YAP1: variants seen among roughly 807,000 people sequenced by gnomAD.
YAP1 encodes the protein Yes1 associated transcriptional regulator.
In YAP1, 5 loss-of-function variants were observed where a neutral mutation model predicts 56.9. That is an observed-to-expected ratio of 0.09 (90% CI 0.05 to 0.18). The LOEUF is 0.18. Ranked by LOEUF, YAP1 falls within the 10% of genes least tolerant of loss-of-function variation. The pLI, the probability that YAP1 is intolerant of heterozygous loss-of-function variation, is 1.00. For missense variants in YAP1, 539 were observed against 651.8 expected (o/e 0.83, Z 1.88); for synonymous variants, 265 against 248.1 (o/e 1.07, Z -0.64).
chr11:102,182,359 T>A (rs1381243380), intron 3 of YAP1, among the ~76,000 whole-genome samples: 1 of 152,230 alleles, frequency 6.6e-6, no homozygotes, highest in Non-Finnish European at 1.5e-5. Flanking sequence ...TTTATTTTTG[T>A]GGTAATCCTA....
intron 2 of YAP1, among the ~76,000 whole-genome samples, chr11:102,146,922 T>C (rs1004669319): frequency 1.3e-5 from 2 of 152,208 alleles, no homozygotes; most frequent in Non-Finnish European, 2.9e-5. Flanking sequence ...TTCAGGGGAA[T>C]TTCAAGGGCA....
intron 2 of YAP1, among the ~76,000 whole-genome samples, chr11:102,130,720 C>CTTTTTTTTTT (rs61175592): frequency 8.2e-5 from 8 of 98,144 alleles, no homozygotes; most frequent in Non-Finnish European, 1.4e-4. Context: ...GATAACTACT[C>CTTTTTTTTTT]TTTTTTTTTT....
chr11:102,194,575 A>C (rs1443615423), intron 4 of YAP1, among the ~76,000 whole-genome samples: 2 of 152,240 alleles, frequency 1.3e-5, no homozygotes, highest in Admixed American at 1.3e-4. Context: ...GCTACTAAAC[A>C]AGTAAATAAA....
chr11:102,177,616 G>T (rs1036679159), intron 3 of YAP1, among the ~76,000 whole-genome samples: 1 of 149,814 alleles, frequency 6.7e-6, no homozygotes, highest in Non-Finnish European at 1.5e-5. Flanking sequence ...GGTGGAGGTT[G>T]CAGTGAACCA....
At chr11:102,138,486 A>G (rs1348178230) in intron 2 of YAP1, among the ~76,000 whole-genome samples, 1 of 152,176 alleles carries the variant, frequency 6.6e-6, no homozygotes, top group Non-Finnish European at 1.5e-5. Flanking sequence ...GGAACATTCC[A>G]AAAGGGGGAA....
chr11:102,144,347 T>C (rs1945196733), intron 2 of YAP1, among the ~76,000 whole-genome samples: 1 of 152,222 alleles, frequency 6.6e-6, no homozygotes, highest in Non-Finnish European at 1.5e-5. Flanking sequence ...TTCAATTGTA[T>C]TATTTAAATT....
At chr11:102,225,038 A>T (rs574217849) in intron 7 of YAP1, among the ~76,000 whole-genome samples, 104 of 152,350 alleles carry the variant, frequency 6.8e-4, no homozygotes, top group Non-Finnish European at 2.5e-4. Flanking sequence ...GAGCTGGGCT[A>T]CAATTTGAGA....
chr11:102,197,229 T>C (rs1948619017), intron 4 of YAP1, among the ~76,000 whole-genome samples: 1 of 152,242 alleles, frequency 6.6e-6, no homozygotes, highest in African/African-American at 2.4e-5. Context: ...TATGCTAATA[T>C]GGAAATATTC....
chr11:102,132,279 CAG>C (rs1396619995), intron 2 of YAP1, among the ~76,000 whole-genome samples: 1 of 152,196 alleles, frequency 6.6e-6, no homozygotes, highest in African/African-American at 2.4e-5. Flanking sequence ...GAGTCAAAGA[CAG>C]AGCTGCCAAA....
At chr11:102,190,532 A>G (rs1948218777) in intron 4 of YAP1, among the ~76,000 whole-genome samples, 2 of 152,118 alleles carry the variant, frequency 1.3e-5, no homozygotes, top group Non-Finnish European at 2.9e-5. Context: ...AGGCTGAGGC[A>G]TGAGAATCAC....
chr11:102,132,149 G>A (rs926618180), intron 2 of YAP1, among the ~76,000 whole-genome samples: 22 of 152,066 alleles, frequency 1.4e-4, no homozygotes, highest in Admixed American at 1.3e-3. Flanking sequence ...TGATACCGGT[G>A]AGCAGACAAC....
intron 2 of YAP1, among the ~76,000 whole-genome samples, chr11:102,128,985 C>G (rs566964234): frequency 3.9e-5 from 6 of 152,268 alleles, no homozygotes; most frequent in Non-Finnish European, 7.4e-5. Context: ...TCCCCAAACC[C>G]TGTGTCCCCT....
rs1949090606 is a variant in YAP1, at chr11:102,205,804, A to G, written c.803-89A>G. The G allele has an allele frequency of 4.6e-6, 6 of 1,318,274 alleles. No homozygotes were observed. In the Admixed American group the frequency reaches 1.6e-4, roughly 35 times the overall value. The allele number at this position is 1,318,274 out of a possible 1,614,324, so 81.7% of individuals were successfully genotyped here. On this transcript the variant is annotated intron_variant, in intron 4 of 8. Transcript: ENST00000282441. Reference sequence around the variant, plus strand: ...CCTGCCCAAAAAAGTTACATCGAATATCCCAAATTGCTTTTGAATAATTAA... The same window carrying G: ...CCTGCCCAAAAAAGTTACATCGAATGTCCCAAATTGCTTTTGAATAATTAA...
rs1942841793 is a variant in YAP1, at chr11:102,110,753, TCGC to T, written c.-92_-90del. The T allele has an allele frequency of 9.7e-6, 11 of 1,135,122 alleles. No individual in the cohort carries two copies. The highest frequency in any genetic ancestry group is 1.1e-5 in the Non-Finnish European group (10 of 905,906). The allele number at this position is 1,135,122 out of a possible 1,614,324, so 70.3% of individuals were successfully genotyped here. A position where few individuals can be genotyped will look rare whatever the true frequency, so the allele number is the denominator to read the frequency against. On this transcript the variant is annotated 5_prime_UTR_variant, in exon 1 of 9. Transcript: ENST00000282441. ...GACAGCGCCGCCCGGCCCGCAGCCG[TCGC>T]CGCTTCTCCACCTCGGCCCGTGGAG...
At position 102,209,856 on chromosome 11, in the gene YAP1, A is replaced by G. The variant is rs141688266; in HGVS notation, c.1032+292A>G. The stretch of plus-strand genomic sequence containing the variant: ...GTCTCAGTTGTACATCCTATCAGCT[A>G]GGTATGCCTAATTTTTATTTGAATA... On this transcript the variant is annotated intron_variant, in intron 6 of 8. Transcript: ENST00000282441. 5.3e-3 allele frequency among the ~76,000 whole-genome samples: 800 copies of G among 152,318 alleles called. 3 individuals are homozygous for G. The highest frequency in any genetic ancestry group is 9.1e-3 in the Non-Finnish European group (622 of 68,030).
chr11:102,158,007 TCC>T, intron 2 of YAP1, among the ~76,000 whole-genome samples: 1 of 152,296 alleles, frequency 6.6e-6, no homozygotes, highest in Non-Finnish European at 1.5e-5. Flanking sequence ...TATATTAAAT[TCC>T]TAACGCCTAA....
At chr11:102,165,195 C>CAAA (rs1346024422) in intron 3 of YAP1, among the ~76,000 whole-genome samples, 1 of 127,152 alleles carries the variant, frequency 7.9e-6, no homozygotes, top group African/African-American at 2.8e-5. Flanking sequence ...CTTGTCTCTA[C>CAAA]AAAAAAAAAA....
intron 2 of YAP1, among the ~76,000 whole-genome samples, chr11:102,119,291 A>G (rs1943503586): frequency 6.6e-6 from 1 of 152,126 alleles, no homozygotes; most frequent in African/African-American, 2.4e-5. Context: ...GTGACAGAGT[A>G]AATAGAACAT....
intron 3 of YAP1, among the ~76,000 whole-genome samples, chr11:102,164,321 C>T (rs1179751384): frequency 6.6e-6 from 1 of 152,160 alleles, no homozygotes; most frequent in Non-Finnish European, 1.5e-5. Flanking sequence ...GCGTGAGCCA[C>T]CATGCCTGGC....
Sources: allele counts gnomAD v4.1 joint callset (sites outside exome capture counted in the v4.1 genomes callset), GRCh38; gene constraint gnomAD v4.1.1; transcripts MANE v1.5; gene names NCBI Gene and HGNC (gene_info 2026-07-23, HGNC 2026-07-21).